The following FER1L6 variants were observed in gnomAD, a reference collection of about 807,000 sequenced individuals.
The protein encoded by FER1L6 is fer-1-like protein 6.
In FER1L6, 177 loss-of-function variants were observed where a neutral mutation model predicts 219.2. That is an observed-to-expected ratio of 0.81 (90% CI 0.71 to 0.91). The LOEUF (loss-of-function observed/expected upper bound fraction) is 0.91, where lower values mean the gene tolerates loss of function less well. FER1L6 is among the 40% of genes least tolerant of loss of function. The pLI, the probability that FER1L6 is intolerant of heterozygous loss-of-function variation, is 0.00. For missense variants in FER1L6, 2,153 were observed against 2,259.9 expected, an observed-to-expected ratio of 0.95 and a Z score of 0.96; for synonymous variants, 768 against 824.3, an observed-to-expected ratio of 0.93 and a Z score of 1.17.
At chr8:123,892,886 AT>A (rs1464213013) in intron 1 of FER1L6, among the ~76,000 whole-genome samples, 9 of 152,140 alleles carry the variant, frequency 5.9e-5, no homozygotes, top group African/African-American at 2.2e-4. Flanking sequence ...GCTTATTGTT[AT>A]GGTTAGAATT....
At chr8:124,004,540 C>T (rs1038228676) in intron 13 of FER1L6, among the ~76,000 whole-genome samples, 1 of 152,112 alleles carries the variant, frequency 6.6e-6, no homozygotes, top group African/African-American at 2.4e-5. Flanking sequence ...AATCTATTTT[C>T]CTAGACAGCC....
chr8:123,920,562 G>A (rs939034183), intron 1 of FER1L6, among the ~76,000 whole-genome samples: 2 of 152,238 alleles, frequency 1.3e-5, no homozygotes, highest in Non-Finnish European at 2.9e-5. Context: ...CGTCTAGCCT[G>A]AGTGACCACT....
intron 2 of FER1L6, among the ~76,000 whole-genome samples, chr8:123,960,761 A>G (rs1815236583): frequency 6.6e-6 from 1 of 151,982 alleles, no homozygotes; most frequent in African/African-American, 2.4e-5. Context: ...TGTGATTGCA[A>G]TTAGGGTTCA....
rs552691013 is a variant in FER1L6, at chr8:123,865,879, C to G, written c.-8+13694C>G. ...GCACCCACTGGCCTGCGCCCACTGTCTGGCACTCCCTAGTGAGATGAACCC... is the reference window on the plus strand; with the variant it reads ...GCACCCACTGGCCTGCGCCCACTGTGTGGCACTCCCTAGTGAGATGAACCC... On this transcript the variant is annotated intron_variant, in intron 1 of 40. Transcript: ENST00000522917. Among the ~76,000 whole-genome samples the G allele has an allele frequency of 1.3e-4, 19 of 151,498 alleles. 1 individual carries two copies. The highest frequency in any genetic ancestry group is 8.5e-4 in the Admixed American group (13 of 15,286).
In FER1L6 at chr8:124,096,134, C is replaced by A. The variant is rs578065271; in HGVS notation, c.4695+1096C>A. On this transcript the variant is annotated intron_variant, in intron 35 of 40. Transcript: ENST00000522917. ...GGACGACCGCGTTGAGAGGGTAAACCATTATCAGATGTAGAAGCTTATGAT... is the reference window on the plus strand; with the variant it reads ...GGACGACCGCGTTGAGAGGGTAAACAATTATCAGATGTAGAAGCTTATGAT... Among the ~76,000 whole-genome samples the A allele has an allele frequency of 2.0e-5, 3 of 152,296 alleles. No homozygotes were observed. In the South Asian group the frequency reaches 6.2e-4, roughly 32 times the overall value.
chr8:123,894,494 AT>A (rs1422593723), intron 1 of FER1L6, among the ~76,000 whole-genome samples: 1 of 152,222 alleles, frequency 6.6e-6, no homozygotes, highest in African/African-American at 2.4e-5. Context: ...CTATAGTGAG[AT>A]AAATCATGAG....
At chr8:124,052,788 AAAAC>A (rs1449146648) in intron 22 of FER1L6, among the ~76,000 whole-genome samples, 5 of 152,154 alleles carry the variant, frequency 3.3e-5, no homozygotes, top group African/African-American at 4.8e-5. Flanking sequence ...CTGTCTCAAA[AAAAC>A]AAACAAAGAA....
chr8:123,944,840 A>G (rs1310369012), intron 1 of FER1L6, among the ~76,000 whole-genome samples: 1 of 152,146 alleles, frequency 6.6e-6, no homozygotes, highest in Non-Finnish European at 1.5e-5. Flanking sequence ...AAAGTGTTGT[A>G]TGAATAGGAC....
At chr8:124,018,195 C>T (rs1306286667) in intron 16 of FER1L6, among the ~76,000 whole-genome samples, 1 of 152,176 alleles carries the variant, frequency 6.6e-6, no homozygotes, top group African/African-American at 2.4e-5. Context: ...AGTTCTTCTT[C>T]AGTGACTGGT....
chr8:124,042,772 C>T (rs974826967), intron 20 of FER1L6, among the ~76,000 whole-genome samples: 1 of 152,168 alleles, frequency 6.6e-6, no homozygotes, highest in African/African-American at 2.4e-5. Context: ...GAGAAAAAGC[C>T]TCCGAAGGCT....
chr8:123,890,971 G>A lies in FER1L6; in HGVS notation c.-8+38786G>A, dbSNP rs554900961. ...GTAATGAAGAAAAATTGTGATATGG[G>A]TACAAAGTTTTAATGTTCAGGAAAG... On this transcript the variant is annotated intron_variant, in intron 1 of 40. Transcript: ENST00000522917. 7.2e-4 allele frequency among the ~76,000 whole-genome samples: 110 copies of A among 152,110 alleles called. 1 individual carries two copies. The highest frequency in any genetic ancestry group is 1.4e-3 in the Admixed American group (21 of 15,284).
At chr8:123,995,914 T>A (rs1211782927) in intron 12 of FER1L6, among the ~76,000 whole-genome samples, 3 of 152,210 alleles carry the variant, frequency 2.0e-5, no homozygotes, top group African/African-American at 4.8e-5. Context: ...AATTTCTTTA[T>A]TGACCCACTG....
Position 123,986,128 on chromosome 8 carries a change from A to G in FER1L6, c.1471A>G (p.Ile491Val), listed in dbSNP as rs754391441. 2.2e-5 allele frequency: 35 copies of G among 1,613,712 alleles called. No homozygotes were observed. The highest frequency in any genetic ancestry group is 2.6e-5 in the Non-Finnish European group (31 of 1,179,730). ...TGGAGCATTTTTTGAAGCTACCATGATTGACCGGAAGATTGGAGATAAACC... is the reference window on the plus strand; with the variant it reads ...TGGAGCATTTTTTGAAGCTACCATGGTTGACCGGAAGATTGGAGATAAACC... Reference protein sequence around the residue: ...LFGAFFEATMIDRKIGDKPIS... With the variant: ...LFGAFFEATMVDRKIGDKPIS... Residue 491 changes from isoleucine to valine, a missense_variant, in exon 12 of 41, where the codon ATT becomes GTT. Ile to Val is a conservative substitution (Grantham distance 29). Coordinates refer to ENST00000522917, the MANE Select transcript of FER1L6 (RefSeq NM_001039112.2).
At position 123,960,959 on chromosome 8, in the gene FER1L6, C is replaced by A. The variant is rs1007892795; in HGVS notation, c.77-2319C>A. On this transcript the variant is annotated intron_variant, in intron 2 of 40. Transcript: ENST00000522917. ...GTCTGGCATCTAGCTGTTAGAAATG[C>A]AGAATTTATCTGGGCACGGTGGCTC... 2.6e-5 allele frequency among the ~76,000 whole-genome samples: 4 copies of A among 152,250 alleles called. No homozygotes were observed. In the South Asian group the frequency reaches 8.3e-4, roughly 32 times the overall value.
At chr8:123,894,591 A>G (rs1391656720) in intron 1 of FER1L6, among the ~76,000 whole-genome samples, 2 of 152,218 alleles carry the variant, frequency 1.3e-5, no homozygotes, top group African/African-American at 4.8e-5. Flanking sequence ...TTGTTCACTG[A>G]GAGGGCCTAG....
intron 2 of FER1L6, among the ~76,000 whole-genome samples, chr8:123,961,179 G>A (rs919232401): frequency 9.9e-5 from 15 of 152,032 alleles, no homozygotes. Flanking sequence ...GAGGATCCTC[G>A]AGCCTGGGAA....
intron 1 of FER1L6, among the ~76,000 whole-genome samples, chr8:123,921,001 A>C (rs974234122): frequency 6.6e-6 from 1 of 152,166 alleles, no homozygotes; most frequent in African/African-American, 2.4e-5. Flanking sequence ...CTCAAGGTTC[A>C]TCCATGTTGT....
intron 12 of FER1L6, among the ~76,000 whole-genome samples, chr8:123,991,417 C>T (rs981752744): frequency 6.6e-6 from 1 of 152,026 alleles, no homozygotes; most frequent in African/African-American, 2.4e-5. Flanking sequence ...AGAGATATTT[C>T]ACCTCCTTGG....
At chr8:123,975,369 C>T in intron 8 of FER1L6, 63 bp downstream of exon 8, 2 of 1,441,730 alleles carry the variant, frequency 1.4e-6, no homozygotes, top group Non-Finnish European at 1.9e-6. Context: ...TCTCTTTCCC[C>T]TCCCTCACCA....
Sources: allele counts gnomAD v4.1 joint callset (sites outside exome capture counted in the v4.1 genomes callset), GRCh38; gene constraint gnomAD v4.1.1; transcripts MANE v1.5; gene names NCBI Gene and HGNC (gene_info 2026-07-23, HGNC 2026-07-21).